CCDC61: variants seen among roughly 807,000 people sequenced by gnomAD.
CCDC61 encodes centrosomal protein CCDC61.
CCDC61 carries 55 observed loss-of-function variants against 63.0 expected under a neutral mutation model. The ratio of observed to expected loss-of-function variants is 0.87; its 90% CI spans 0.70 to 1.09. The LOEUF (loss-of-function observed/expected upper bound fraction) is 1.09. CCDC61 is among the 50% of genes least tolerant of loss of function. The pLI, the probability that CCDC61 is intolerant of heterozygous loss-of-function variation, is 0.00. For synonymous variants in CCDC61, 270 were observed against 317.0 expected, an observed-to-expected ratio of 0.85 and a Z score of 1.58; for missense variants, 651 against 731.4, an observed-to-expected ratio of 0.89 and a Z score of 1.27.
rs1029214603 is a variant in CCDC61 at position 46,018,441 on chromosome 19, T to TG, written c.*60dup. 2.1e-6 allele frequency: 3 copies of TG among 1,454,188 alleles called. No homozygotes were observed. Among genetic ancestry groups the TG allele is most frequent in the Non-Finnish European group, 2.8e-6 (3 of 1,063,034 alleles). The allele number at this position is 1,454,188 out of a possible 1,614,324, so 90.1% of individuals were successfully genotyped here. On this transcript the variant is annotated 3_prime_UTR_variant, in exon 14 of 14. Transcript: ENST00000595358. The surrounding 1 kb of genome is among the most constrained non-coding windows in gnomAD (Gnocchi z 4.2). ...CCCCACCCACTTGCTGGGTATGGTG[T>TG]GGGGGGTGGGGCCAGGGTGGCCTCC...
At chr19:46,012,604 GC>G (rs1200752000) in intron 5 of CCDC61, among the ~76,000 whole-genome samples, 1 of 151,642 alleles carries the variant, frequency 6.6e-6, no homozygotes, top group Non-Finnish European at 1.5e-5. Context: ...CCGAGATCAC[GC>G]CACTGCACTC....
At chr19:46,004,410 T>C (rs946962068) in intron 3 of CCDC61, among the ~76,000 whole-genome samples, 1 of 152,190 alleles carries the variant, frequency 6.6e-6, no homozygotes, top group Admixed American at 6.5e-5. Context: ...CTCATGAGGC[T>C]GACATTTTGG....
At chr19:46,012,722 C>A (rs1420823359) in intron 5 of CCDC61, among the ~76,000 whole-genome samples, 2 of 152,074 alleles carry the variant, frequency 1.3e-5, no homozygotes, top group Non-Finnish European at 2.9e-5. Flanking sequence ...CCGGGAGAGA[C>A]CCTCCTGCCC....
At position 46,015,121 on chromosome 19, in the gene CCDC61, C is replaced by T. The variant is rs1275150180; in HGVS notation, c.624C>T (p.Ala208=). Residue 208 remains alanine, a synonymous_variant, in exon 6 of 14, where the codon GCC becomes GCT. Transcript: ENST00000595358. The surrounding 1 kb of genome is among the most constrained non-coding windows in gnomAD (Gnocchi z 5.3). ...QLGRSREEAL[A]GRAARQEAEA... ...GCCGATCGCGCGAGGAGGCGCTGGC[C>T]GGGCGCGCGGCACGCCAGGAGGCCG... 4.8e-5 allele frequency: 63 copies of T among 1,301,846 alleles called. No homozygotes were observed. The highest frequency in any genetic ancestry group is 5.9e-5 in the Non-Finnish European group (61 of 1,028,024). 80.6% of individuals were successfully genotyped at this position (1,301,846 alleles called of 1,614,324 possible).
chr19:46,005,436 C>T (rs914377928), intron 3 of CCDC61, among the ~76,000 whole-genome samples: 1 of 151,574 alleles, frequency 6.6e-6, no homozygotes, highest in Non-Finnish European at 1.5e-5. Flanking sequence ...ATTTTTTTAC[C>T]TGTGGATGAT....
At chr19:46,017,092 G>C in intron 11 of CCDC61, 23 bp downstream of exon 11, 1 of 1,606,490 alleles carries the variant, frequency 6.2e-7, no homozygotes, top group African/African-American at 1.3e-5. Flanking sequence ...CTTGGGAAAA[G>C]GATCGCCTCC....
At chr19:45,997,120 C>T (rs147705415) in intron 1 of CCDC61, among the ~76,000 whole-genome samples, 3 of 152,272 alleles carry the variant, frequency 2.0e-5, no homozygotes, top group African/African-American at 4.8e-5. Context: ...TTGAACATAG[C>T]GAACACATTG....
rs1369974250 is a variant in CCDC61 at position 46,016,499 on chromosome 19, C to T, written c.1091+106C>T. 6 of 1,424,886 alleles carry T rather than the reference C, an allele frequency of 4.2e-6. No homozygotes were observed. Among genetic ancestry groups the T allele is most frequent in the Non-Finnish European group, 5.8e-6 (6 of 1,033,008 alleles). The allele number at this position is 1,424,886 out of a possible 1,614,324, so 88.3% of individuals were successfully genotyped here. A position where few individuals can be genotyped will look rare whatever the true frequency, so the allele number is the denominator to read the frequency against. Reference sequence around the variant, plus strand: ...CAGTCTCCATCCCCTGCCACCTGCTCGCTTCTCGCCGGATACCCCGCCTGC... The same window carrying T: ...CAGTCTCCATCCCCTGCCACCTGCTTGCTTCTCGCCGGATACCCCGCCTGC... On this transcript the variant is annotated intron_variant, in intron 9 of 13. Coordinates refer to ENST00000595358, the MANE Select transcript of CCDC61 (RefSeq NM_001267723.2). The surrounding 1 kb of genome is among the most constrained non-coding windows in gnomAD (Gnocchi z 7.2).
At chr19:46,009,542 A>T (rs1249013189) in intron 5 of CCDC61, among the ~76,000 whole-genome samples, 2 of 152,204 alleles carry the variant, frequency 1.3e-5, no homozygotes, top group Non-Finnish European at 2.9e-5. Context: ...CGCAGGTCAC[A>T]CAGTGGGTAA....
At chr19:46,006,418 G>C (rs1968710543) in intron 3 of CCDC61, 141 bp from the exon 4 acceptor site, 1 of 692,758 alleles carries the variant, frequency 1.4e-6, no homozygotes, top group South Asian at 2.2e-5. Context: ...CTAGGACAGG[G>C]CCATGTTGAT....
intron 3 of CCDC61, among the ~76,000 whole-genome samples, chr19:46,004,732 T>G (rs1245813949): frequency 1.3e-5 from 2 of 151,986 alleles, no homozygotes; most frequent in Non-Finnish European, 2.9e-5. Context: ...CCCAAAGTGT[T>G]GCAATTACAA....
chr19:45,999,798 C>A (rs1346850253), intron 1 of CCDC61, among the ~76,000 whole-genome samples: 1 of 151,982 alleles, frequency 6.6e-6, no homozygotes, highest in African/African-American at 2.4e-5. Flanking sequence ...GTGCCAGCGC[C>A]ATGATGTCAT....
In CCDC61 at chr19:46,015,095, G is replaced by T. The variant is rs1166880441; in HGVS notation, c.598G>T (p.Gly200Cys). The change falls in exon 6 of 14, where the codon GGC becomes TGC. Residue 200 changes from glycine to cysteine, a missense_variant. By Grantham distance (159) the Gly-to-Cys change is radical. Transcript: ENST00000595358. The surrounding 1 kb of genome is among the most constrained non-coding windows in gnomAD (Gnocchi z 5.3). Reference sequence around the variant, plus strand: ...GAAGCGGGAGCTGGAGGCGCAGCTGGGCCGATCGCGCGAGGAGGCGCTGGC... The same window carrying T: ...GAAGCGGGAGCTGGAGGCGCAGCTGTGCCGATCGCGCGAGGAGGCGCTGGC... ...SEKRELEAQL[G>C]RSREEALAGR... 2.9e-6 allele frequency: 4 copies of T among 1,385,850 alleles called. No homozygotes were observed. The Admixed American group carries it at 1.2e-4, about 42-fold the overall frequency. 85.8% of individuals were successfully genotyped at this position (1,385,850 alleles called of 1,614,324 possible). A position where few individuals can be genotyped will look rare whatever the true frequency, so the allele number is the denominator to read the frequency against.
rs781267025 is a variant in CCDC61 at position 46,017,077 on chromosome 19, T to C, written c.1310+8T>C. 1.2e-6 allele frequency: 2 copies of C among 1,610,846 alleles called. No homozygotes were observed. The highest frequency in any genetic ancestry group is 1.1e-5 in the South Asian group (1 of 90,198). On this transcript the variant is annotated splice_region_variant and intron_variant, in intron 11 of 13. Coordinates refer to ENST00000595358, the MANE Select transcript of CCDC61 (RefSeq NM_001267723.2). ...TGAGTCGCTCTCCAGAGGGTAAAAC[T>C]TGAACTTGGGAAAAGGATCGCCTCC...
intron 2 of CCDC61, 43 bp downstream of exon 2, chr19:46,003,209 G>A: frequency 6.4e-7 from 1 of 1,565,312 alleles, no homozygotes; most frequent in Non-Finnish European, 8.7e-7. Flanking sequence ...TCCTCTCCTG[G>A]GATCAGCTTC....
intron 1 of CCDC61, among the ~76,000 whole-genome samples, chr19:46,000,534 A>G (rs1439712954): frequency 1.3e-5 from 2 of 151,592 alleles, no homozygotes; most frequent in African/African-American, 2.4e-5. Flanking sequence ...TTGGGCTGGA[A>G]TATGTGGAGT....
chr19:46,004,682 C>G (rs1334777977), intron 3 of CCDC61, among the ~76,000 whole-genome samples: 1 of 151,806 alleles, frequency 6.6e-6, no homozygotes, highest in Non-Finnish European at 1.5e-5. Context: ...CCAGGCTGGT[C>G]TTGAATACCT....
rs1204262225 is a variant in CCDC61, at chr19:46,015,859, C to T, written c.846-195C>T. On this transcript the variant is annotated intron_variant, in intron 7 of 13. Transcript: ENST00000595358. The surrounding 1 kb of genome is among the most constrained non-coding windows in gnomAD (Gnocchi z 5.3). ...GTGTTGAAAGGATGTAGGGGAATGA[C>T]AGAGGGGTGTTTTAGGGGTCCAATT... Among the ~76,000 whole-genome samples, 1 of 148,890 alleles carries T rather than the reference C, an allele frequency of 6.7e-6. No individual in the cohort carries two copies. The highest frequency in any genetic ancestry group is 2.5e-5 in the African/African-American group (1 of 39,938).
intron 5 of CCDC61, among the ~76,000 whole-genome samples, chr19:46,012,209 C>T (rs1040829252): frequency 5.3e-5 from 8 of 152,214 alleles, no homozygotes; most frequent in African/African-American, 1.4e-4. Context: ...GGATGGGACC[C>T]GTCCCTCCTG....
Sources: gnomAD v4.1 joint callset for allele counts (sites outside exome capture counted in the v4.1 genomes callset) on GRCh38, gnomAD v4.1.1 for gene constraint, Gnocchi (gnomAD v3.1) non-coding constraint, MANE v1.5 for transcripts, NCBI Gene and HGNC (gene_info 2026-07-23, HGNC 2026-07-21) for gene names.